Variants in PPP1R10 observed in about 807,000 individuals in gnomAD.
The protein encoded by PPP1R10 is serine/threonine-protein phosphatase 1 regulatory subunit 10.
In PPP1R10, 15 loss-of-function variants were observed where a neutral mutation model predicts 99.0. The observed-to-expected ratio is 0.15, with a 90% confidence interval of 0.10 to 0.23. The LOEUF is 0.23. Among genes scored for constraint, PPP1R10 ranks in the 10% least tolerant of loss-of-function variants. PPP1R10 has a pLI of 1.00. For synonymous variants in PPP1R10, 430 were observed against 449.5 expected (o/e 0.96, Z 0.55); for missense variants, 947 against 1,259.4 (o/e 0.75, Z 3.75).
At chr6:30,616,251 T>C (rs560458110) in intron 2 of PPP1R10, among the ~76,000 whole-genome samples, 1 of 152,232 alleles carries the variant, frequency 6.6e-6, no homozygotes, top group African/African-American at 2.4e-5. Flanking sequence ...CCCTCCACCC[T>C]CTCTTTGCCT....
intron 19 of PPP1R10, 102 bp from the exon 20 acceptor site, chr6:30,601,760 C>T: frequency 2.2e-6 from 3 of 1,359,808 alleles, no homozygotes; most frequent in Non-Finnish European, 3.0e-6. Context: ...CTTTCAGAGA[C>T]AATCTTGGGG....
At chr6:30,615,608 G>A (rs1336658558) in intron 2 of PPP1R10, among the ~76,000 whole-genome samples, 1 of 152,160 alleles carries the variant, frequency 6.6e-6, no homozygotes, top group Admixed American at 6.6e-5. Context: ...TAGAAAGCTA[G>A]CATTCAATTG....
In PPP1R10 at chr6:30,604,019, C is replaced by T; in HGVS notation, c.1497G>A (p.Leu499=). 2 of 1,596,112 alleles carry T rather than the reference C, an allele frequency of 1.3e-6. No individual in the cohort carries two copies. The highest frequency in any genetic ancestry group is 1.7e-6 in the Non-Finnish European group (2 of 1,170,184). The change falls in exon 14 of 20, where the codon CTG becomes CTA. Residue 499 remains leucine (L), a synonymous_variant. Coordinates refer to ENST00000376511, the MANE Select transcript of PPP1R10 (RefSeq NM_002714.4). This position sits in a 1 kb window ranked among gnomAD's most constrained non-coding sequence, Gnocchi z 7.3. The part of the protein sequence containing the change: ...REKGILQELF[L]NKESPHEPDP... ...CCCACTCTGCTCACCTCTCCTTGTT[C>T]AGGAAGAGCTCCTGAAGGATTCCCT...
Position 30,602,571 on chromosome 6 carries a change from C to G in PPP1R10, c.2078G>C (p.Arg693Pro). The stretch of plus-strand genomic sequence containing the variant: ...TCCAGGACCTGGTCCTGGACCCCCC[C>G]GCATTGGGCCACCCCGCATAGGGTC... Reference protein sequence around the residue: ...PGDPMRGGPMRGGPGPGPGPY... With the variant: ...PGDPMRGGPMPGGPGPGPGPY... Residue 693 changes from arginine to proline, a missense_variant, in exon 19 of 20, where the codon CGG becomes CCG. Physicochemically the swap from Arg to Pro is moderately radical, Grantham distance 103. Transcript: ENST00000376511. This position sits in a 1 kb window ranked among gnomAD's most constrained non-coding sequence, Gnocchi z 6.7. 3.2e-6 allele frequency: 5 copies of G among 1,564,442 alleles called. No homozygotes were observed. The highest frequency in any genetic ancestry group is 8.6e-7 in the Non-Finnish European group (1 of 1,157,878).
Position 30,606,497 on chromosome 6 carries a change from G to A in PPP1R10, c.605C>T (p.Ala202Val). ...GGAACGGAACTTGGCATGACTGGGT[G>A]CTGTGGTGCGAAGAGACTTGGGCTT... Reference protein sequence around the residue: ...REKPKSLRTTAPSHAKFRSTG... With the variant: ...REKPKSLRTTVPSHAKFRSTG... The change falls in exon 8 of 20, where the codon GCA becomes GTA. Residue 202 changes from alanine (A) to valine (V), a missense_variant. Ala to Val is a moderately conservative substitution (Grantham distance 64). This residue lies in a region of PPP1R10 where 92 missense variants were observed against 159.2 expected (regional missense o/e 0.58). Coordinates refer to ENST00000376511, the MANE Select transcript of PPP1R10 (RefSeq NM_002714.4). This position sits in a 1 kb window ranked among gnomAD's most constrained non-coding sequence, Gnocchi z 6.3. The A allele has an allele frequency of 6.2e-7, 1 of 1,613,370 alleles. No individual in the cohort carries two copies. The highest frequency in any genetic ancestry group is 8.5e-7 in the Non-Finnish European group (1 of 1,180,044).
At position 30,601,963 on chromosome 6, in the gene PPP1R10, G is replaced by T; in HGVS notation, c.2686C>A (p.His896Asn). Residue 896 changes from histidine (H) to asparagine (N), a missense_variant, in exon 19 of 20, where the codon CAC becomes AAC. Physicochemically the swap from His to Asn is moderately conservative, Grantham distance 68. Around this residue, in one of 10 missense-constraint regions of PPP1R10, gnomAD observed 525 missense variants for 578.8 expected, o/e 0.91. Coordinates refer to ENST00000376511, the MANE Select transcript of PPP1R10 (RefSeq NM_002714.4). Reference protein sequence around the residue: ...PGHGGGGHRGHDGGHSHGGDM... With the variant: ...PGHGGGGHRGNDGGHSHGGDM... ...CCTCCATGGCTGTGGCCTCCATCGT[G>T]CCCTCGGTGGCCCCCTCCCCCGTGG... 6.6e-7 allele frequency: 1 copy of T among 1,511,704 alleles called. No homozygotes were observed. The highest frequency in any genetic ancestry group is 8.8e-7 in the Non-Finnish European group (1 of 1,131,298). 93.6% of individuals were successfully genotyped at this position (1,511,704 alleles called of 1,614,324 possible).
intron 2 of PPP1R10, among the ~76,000 whole-genome samples, chr6:30,612,471 T>G (rs1804656265): frequency 6.6e-6 from 1 of 152,176 alleles, no homozygotes; most frequent in Non-Finnish European, 1.5e-5. Flanking sequence ...ATCCAGGGAC[T>G]TTTTTATTCC....
At chr6:30,616,254 CTT>C (rs1203128021) in intron 2 of PPP1R10, among the ~76,000 whole-genome samples, 2 of 152,246 alleles carry the variant, frequency 1.3e-5, no homozygotes, top group African/African-American at 4.8e-5. Context: ...TCCACCCTCT[CTT>C]TGCCTGCAGC....
At chr6:30,612,844 G>A (rs902710451) in intron 2 of PPP1R10, among the ~76,000 whole-genome samples, 5 of 152,200 alleles carry the variant, frequency 3.3e-5, no homozygotes, top group African/African-American at 1.2e-4. Context: ...CTGAGTTGAT[G>A]AAGGCAGGCA....
chr6:30,614,230 T>A (rs1804847285), intron 2 of PPP1R10, among the ~76,000 whole-genome samples: 1 of 152,116 alleles, frequency 6.6e-6, no homozygotes, highest in African/African-American at 2.4e-5. Flanking sequence ...CATCATTTTT[T>A]CATTAATGCT....
At chr6:30,605,294 G>A (rs2127440514) in intron 10 of PPP1R10, among the ~76,000 whole-genome samples, 200 bp from the exon 11 acceptor site, 1 of 152,250 alleles carries the variant, frequency 6.6e-6, no homozygotes, top group Middle Eastern at 3.4e-3. Context: ...CTCATGGCAG[G>A]CAAGCCATAG....
chr6:30,606,469 A>G lies in PPP1R10; in HGVS notation c.633T>C (p.Thr211=), dbSNP rs1217088608. 6.2e-7 allele frequency: 1 copy of G among 1,612,770 alleles called. No individual in the cohort carries two copies. ...TAPSHAKFRS[T]GLELETPSLV... is the part of the protein sequence containing the mutation. ...CCAGAGGCCAGCCGCCAGTCTTACC[A>G]GTGGAACGGAACTTGGCATGACTGG... The change falls in exon 8 of 20, where the codon ACT becomes ACC. Residue 211 remains threonine (T), a splice_region_variant and synonymous_variant. Transcript: ENST00000376511. This position sits in a 1 kb window ranked among gnomAD's most constrained non-coding sequence, Gnocchi z 6.3.
chr6:30,602,406 C>T lies in PPP1R10; in HGVS notation c.2243G>A (p.Gly748Asp). ...RGGPGGGMVG[G>D]GGHRPHEGPG... Reference sequence around the variant, plus strand: ...GCCTTCGTGAGGACGATGCCCACCACCTCCAACCATGCCCCCACCAGGGCC... The same window carrying T: ...GCCTTCGTGAGGACGATGCCCACCATCTCCAACCATGCCCCCACCAGGGCC... Residue 748 changes from glycine (G) to aspartate (D), a missense_variant, in exon 19 of 20, where the codon GGT (glycine) becomes GAT (aspartate). Transcript: ENST00000376511. The surrounding 1 kb of genome is among the most constrained non-coding windows in gnomAD (Gnocchi z 6.7). The T allele has an allele frequency of 1.2e-6, 2 of 1,612,328 alleles. No homozygotes were observed. Among genetic ancestry groups the T allele is most frequent in the East Asian group, 2.2e-5 (1 of 44,834 alleles).
rs772788595 is a variant in PPP1R10 at position 30,601,172 on chromosome 6, T to C, written c.*377A>G. 8 of 225,694 alleles carry C rather than the reference T, an allele frequency of 3.5e-5. No individual in the cohort carries two copies. Among genetic ancestry groups the C allele is most frequent in the African/African-American group, 1.4e-4 (6 of 44,118 alleles). The allele number at this position is 225,694 out of a possible 1,614,324, so 14.0% of individuals were successfully genotyped here. On this transcript the variant is annotated 3_prime_UTR_variant, in exon 20 of 20. Transcript: ENST00000376511. The stretch of plus-strand genomic sequence containing the variant: ...ATCCTGTGTCAGAGTTCTGTGTGCA[T>C]GTGGGGACCCGCAATAGAAGGGTAG...
rs890043948 is a variant in PPP1R10 at position 30,602,628 on chromosome 6, C to A, written c.2021G>T (p.Arg674Leu). 1.9e-6 allele frequency: 3 copies of A among 1,591,826 alleles called. No homozygotes were observed. The highest frequency in any genetic ancestry group is 1.4e-5 in the African/African-American group (1 of 73,430). The change falls in exon 19 of 20, where the codon CGG becomes CTG. Residue 674 changes from arginine to leucine, a missense_variant. Coordinates refer to ENST00000376511, the MANE Select transcript of PPP1R10 (RefSeq NM_002714.4). This position sits in a 1 kb window ranked among gnomAD's most constrained non-coding sequence, Gnocchi z 6.7. ...PRLLGPPPPP[R>L]GGDPFWDGPG... ...GCCATCCCAGAAGGGATCACCTCCC[C>A]GGGGAGGGGGTGGAGGACCCAGAAG...
In PPP1R10 at chr6:30,606,547, C is replaced by G; in HGVS notation, c.555G>C (p.Glu185Asp). 6.2e-7 allele frequency: 1 copy of G among 1,614,148 alleles called. No homozygotes were observed. ...TCTCCCTCTTCTTCTCTGGGGCCTCCTCAGCCCGGGTCTCAGCCTTCACCT... is the reference window on the plus strand; with the variant it reads ...TCTCCCTCTTCTTCTCTGGGGCCTCGTCAGCCCGGGTCTCAGCCTTCACCT... ...LTEVKAETRA[E>D]EAPEKKREKP... Residue 185 changes from glutamate to aspartate, a missense_variant, in exon 8 of 20, where the codon GAG becomes GAC. Glu to Asp is a conservative substitution (Grantham distance 45, BLOSUM62 2). Coordinates refer to ENST00000376511, the MANE Select transcript of PPP1R10 (RefSeq NM_002714.4). The surrounding 1 kb of genome is among the most constrained non-coding windows in gnomAD (Gnocchi z 6.3).
intron 2 of PPP1R10, among the ~76,000 whole-genome samples, chr6:30,615,551 T>C (rs1760394309): frequency 6.6e-6 from 1 of 152,174 alleles, no homozygotes; most frequent in African/African-American, 2.4e-5. Context: ...AAAGTCGCCA[T>C]ATTGAAGCAG....
In PPP1R10 at chr6:30,600,477, C is replaced by G. The variant is rs1357130622; in HGVS notation, c.*1072G>C. ...AAAACCAAAAAAAAAAATACTCATCCTCAAATCCATTTTGGCTCTAACCCA... is the reference window on the plus strand; with the variant it reads ...AAAACCAAAAAAAAAAATACTCATCGTCAAATCCATTTTGGCTCTAACCCA... On this transcript the variant is annotated 3_prime_UTR_variant, in exon 20 of 20. Transcript: ENST00000376511. 6.6e-6 allele frequency: 1 copy of G among 152,580 alleles called. No individual in the cohort carries two copies. The highest frequency in any genetic ancestry group is 1.5e-5 in the Non-Finnish European group (1 of 68,022). The allele number at this position is 152,580 out of a possible 1,614,324, so 9.5% of individuals were successfully genotyped here.
intron 19 of PPP1R10, 104 bp downstream of exon 19, chr6:30,601,832 A>G: frequency 7.2e-7 from 1 of 1,389,824 alleles, no homozygotes; most frequent in East Asian, 2.5e-5. Flanking sequence ...AGAGACGGGT[A>G]CCTCACGTTC....
Sources: gnomAD v4.1 joint callset for allele counts (sites outside exome capture counted in the v4.1 genomes callset) on GRCh38, gnomAD v4.1.1 for gene constraint, gnomAD v4.1.1 regional missense constraint, Gnocchi (gnomAD v3.1) non-coding constraint, MANE v1.5 for transcripts, NCBI Gene and HGNC (gene_info 2026-07-23, HGNC 2026-07-21) for gene names.